Variants in PRKG1 observed in about 807,000 individuals in gnomAD.
PRKG1 encodes the protein cGMP-dependent protein kinase 1.
Under a neutral mutation model 88.1 loss-of-function variants are expected in PRKG1, and 35 were observed. That is an observed-to-expected ratio of 0.40 (90% CI 0.30 to 0.53). The LOEUF is 0.53. Among genes scored for constraint, PRKG1 ranks in the 20% least tolerant of loss-of-function variants. The pLI is 0.59. For missense variants in PRKG1, 540 were observed against 839.8 expected (o/e 0.64, Z 4.41); for synonymous variants, 303 against 292.5 (o/e 1.04, Z -0.37).
chr10:52,147,856 A>G (rs1165337778), intron 8 of PRKG1, among the ~76,000 whole-genome samples: 2 of 152,188 alleles, frequency 1.3e-5, no homozygotes, highest in African/African-American at 4.8e-5. Flanking sequence ...AAAACCTAAC[A>G]GCAAGTCTGG....
intron 1 of PRKG1, among the ~76,000 whole-genome samples, chr10:50,997,365 G>C (rs1180344470): frequency 6.6e-6 from 1 of 152,100 alleles, no homozygotes; most frequent in Non-Finnish European, 1.5e-5. Context: ...ATATGCACAG[G>C]TTGAAAGTTT....
At chr10:51,381,155 G>A (rs900170510) in intron 2 of PRKG1, among the ~76,000 whole-genome samples, 55 of 150,606 alleles carry the variant, frequency 3.7e-4, no homozygotes, top group African/African-American at 1.0e-3. Context: ...TACTCAGGAG[G>A]CTGAGGCAGA....
chr10:51,332,759 C>G (rs1299580711), intron 2 of PRKG1, among the ~76,000 whole-genome samples: 2 of 152,122 alleles, frequency 1.3e-5, no homozygotes, highest in Non-Finnish European at 2.9e-5. Flanking sequence ...GGCATCTTTG[C>G]CTAGAAGGAA....
At chr10:51,005,175 C>G (rs922993879) in intron 1 of PRKG1, among the ~76,000 whole-genome samples, 7 of 151,684 alleles carry the variant, frequency 4.6e-5, no homozygotes, top group Admixed American at 4.6e-4. Flanking sequence ...TGATTGGAGC[C>G]AAAAGGTAAA....
At chr10:52,184,805 G>C (rs566408285) in intron 9 of PRKG1, 3 of 152,310 alleles carry the variant, frequency 2.0e-5, no homozygotes, top group South Asian at 4.1e-4. Flanking sequence ...AGAAACAAGA[G>C]AGGGTGGGAG....
intron 3 of PRKG1, among the ~76,000 whole-genome samples, chr10:51,601,926 C>T (rs184264575): frequency 6.6e-6 from 1 of 151,518 alleles, no homozygotes; most frequent in African/African-American, 2.4e-5. Context: ...TTGATGCTGA[C>T]AGCTCTTCAT....
intron 3 of PRKG1, among the ~76,000 whole-genome samples, chr10:51,600,197 A>G (rs1015917684): frequency 1.3e-5 from 2 of 152,106 alleles, no homozygotes; most frequent in Non-Finnish European, 2.9e-5. Flanking sequence ...TCCTGTTTCC[A>G]AGTATTTATA....
At chr10:51,842,131 G>A (rs1459681532) in intron 4 of PRKG1, among the ~76,000 whole-genome samples, 1 of 152,180 alleles carries the variant, frequency 6.6e-6, no homozygotes, top group African/African-American at 2.4e-5. Flanking sequence ...TGACTTGACT[G>A]TCTGATTCAT....
chr10:51,435,149 C>G (rs1239838818), intron 2 of PRKG1, among the ~76,000 whole-genome samples: 2 of 151,886 alleles, frequency 1.3e-5, no homozygotes, highest in Non-Finnish European at 2.9e-5. Context: ...TGAAATGTAC[C>G]TTATGTAGCC....
intron 4 of PRKG1, among the ~76,000 whole-genome samples, chr10:51,810,694 T>C (rs1325435040): frequency 1.4e-5 from 2 of 148,018 alleles, no homozygotes; most frequent in African/African-American, 2.6e-5. Context: ...ATTATGAATG[T>C]AAGTGATTTT....
rs1012512316 is a variant in PRKG1 at position 51,313,253 on chromosome 10, G to A, written c.479-154470G>A. 3.3e-5 allele frequency among the ~76,000 whole-genome samples: 5 copies of A among 152,210 alleles called. No individual in the cohort carries two copies. In the East Asian group the frequency reaches 9.7e-4, roughly 29 times the overall value. On this transcript the variant is annotated intron_variant, in intron 2 of 17. Transcript: ENST00000373980. ...ATAACCTGAAAATCTGTGTCAGATT[G>A]GCCCTATAAGAGAGAGGTGAGCGTA...
intron 2 of PRKG1, among the ~76,000 whole-genome samples, chr10:51,246,763 G>T (rs1839303367): frequency 6.6e-6 from 1 of 152,012 alleles, no homozygotes; most frequent in African/African-American, 2.4e-5. Flanking sequence ...TCAGACTCAG[G>T]CATGAATAGG....
chr10:51,765,748 A>G (rs1307659146), intron 3 of PRKG1, among the ~76,000 whole-genome samples: 2 of 151,404 alleles, frequency 1.3e-5, no homozygotes, highest in East Asian at 3.9e-4. Flanking sequence ...CTCTCTTTGC[A>G]TTCAAAGGCT....
chr10:52,170,928 C>T (rs1474789190), intron 9 of PRKG1, among the ~76,000 whole-genome samples: 2 of 152,238 alleles, frequency 1.3e-5, no homozygotes, highest in East Asian at 3.9e-4. Flanking sequence ...TTTGAAAATG[C>T]GCTCATCAAA....
chr10:52,018,139 G>A (rs1046673718), intron 5 of PRKG1, among the ~76,000 whole-genome samples: 1 of 149,548 alleles, frequency 6.7e-6, no homozygotes, highest in African/African-American at 2.4e-5. Flanking sequence ...ATTTTGCAGG[G>A]TAAAATGACT....
chr10:51,238,027 A>G (rs1385756376), intron 2 of PRKG1, among the ~76,000 whole-genome samples: 1 of 152,208 alleles, frequency 6.6e-6, no homozygotes, highest in South Asian at 2.1e-4. Flanking sequence ...GTTCATTGCT[A>G]ATCTGTAAGG....
intron 13 of PRKG1, 137 bp from the exon 14 acceptor site, chr10:52,282,016 A>G: frequency 1.1e-6 from 1 of 929,212 alleles, no homozygotes; most frequent in Non-Finnish European, 1.5e-6. Flanking sequence ...AATATAGACT[A>G]TTCTTTTTGG....
chr10:51,356,725 C>CT (rs1478049118), intron 2 of PRKG1, among the ~76,000 whole-genome samples: 1 of 151,964 alleles, frequency 6.6e-6, no homozygotes, highest in Non-Finnish European at 1.5e-5. Flanking sequence ...TCTAATTCTG[C>CT]TTTTTACTAT....
chr10:51,339,739 G>A (rs1402219596), intron 2 of PRKG1, among the ~76,000 whole-genome samples: 1 of 151,754 alleles, frequency 6.6e-6, no homozygotes, highest in Non-Finnish European at 1.5e-5. Context: ...TTATTCTACA[G>A]TATCATTCCA....
Sources: gnomAD v4.1 joint callset for allele counts (sites outside exome capture counted in the v4.1 genomes callset) on GRCh38, gnomAD v4.1.1 for gene constraint, MANE v1.5 for transcripts, NCBI Gene and HGNC (gene_info 2026-07-23, HGNC 2026-07-21) for gene names.